The following ABTB3 variants were observed in gnomAD, a reference collection of about 807,000 sequenced individuals.
ABTB3 encodes the protein ankyrin repeat- and BTB/POZ domain-containing protein 3.
chr12:107,589,626 G>A, the ABTB3 span, among the ~76,000 whole-genome samples: 3 of 152,260 alleles, frequency 2.0e-5, no homozygotes, highest in Admixed American at 1.3e-4. Flanking sequence ...GATGGGAAAC[G>A]TGGTCCCTGA....
At chr12:107,358,933 A>T in the ABTB3 span, among the ~76,000 whole-genome samples, 1 of 152,122 alleles carries the variant, frequency 6.6e-6, no homozygotes, top group Non-Finnish European at 1.5e-5. Flanking sequence ...TCTGAAACCC[A>T]CTAAAATGTG....
the ABTB3 span, among the ~76,000 whole-genome samples, chr12:107,630,053 G>T: frequency 6.6e-6 from 1 of 152,174 alleles, no homozygotes; most frequent in Admixed American, 6.5e-5. Context: ...TGGAGGAGGA[G>T]CACTGGGAAG....
At chr12:107,507,091 T>C in the ABTB3 span, among the ~76,000 whole-genome samples, 2 of 152,152 alleles carry the variant, frequency 1.3e-5, no homozygotes, top group African/African-American at 4.8e-5. Context: ...AGAGGCCAAC[T>C]TCTGATGCAC....
At chr12:107,543,244 C>T in the ABTB3 span, among the ~76,000 whole-genome samples, 1 of 144,730 alleles carries the variant, frequency 6.9e-6, no homozygotes, top group Non-Finnish European at 1.5e-5. Context: ...GCTGAGGAGG[C>T]AGGAGAATCG....
the ABTB3 span, among the ~76,000 whole-genome samples, chr12:107,329,003 G>A: frequency 0.55 from 82,869 of 151,884 alleles, 23,048 homozygotes; most frequent in East Asian, 0.72. Flanking sequence ...CTGTCCATCA[G>A]ATCACAGCGT....
the ABTB3 span, among the ~76,000 whole-genome samples, chr12:107,639,043 G>T: frequency 1.3e-5 from 2 of 152,188 alleles, no homozygotes; most frequent in African/African-American, 2.4e-5. Flanking sequence ...ATCTGGCAAG[G>T]CTTACTGACC....
At chr12:107,600,552 C>T in the ABTB3 span, among the ~76,000 whole-genome samples, 4 of 152,168 alleles carry the variant, frequency 2.6e-5, no homozygotes, top group Admixed American at 1.3e-4. Context: ...CCCAGGGGCC[C>T]ACACAGCAGA....
the ABTB3 span, among the ~76,000 whole-genome samples, chr12:107,482,980 C>CT: frequency 6.5e-4 from 16 of 24,564 alleles, no homozygotes; most frequent in Middle Eastern, 0.021. Context: ...TTCTTTCTTT[C>CT]TTTCTTTCCT....
At chr12:107,561,241 T>C in the ABTB3 span, among the ~76,000 whole-genome samples, 48 of 152,242 alleles carry the variant, frequency 3.2e-4, no homozygotes, top group South Asian at 3.5e-3. Flanking sequence ...GGGGAAAGCA[T>C]ATTTTTGTGA....
the ABTB3 span, chr12:107,581,031 G>A: frequency 6.4e-7 from 1 of 1,551,690 alleles, no homozygotes; most frequent in South Asian, 1.2e-5. Context: ...GGAAAGCGGG[G>A]TGTGGGCTGG....
chr12:107,473,758 C>T, the ABTB3 span, among the ~76,000 whole-genome samples: 1 of 151,322 alleles, frequency 6.6e-6, no homozygotes, highest in African/African-American at 2.4e-5. Context: ...GTGAAGAAGC[C>T]ATATATTCTA....
the ABTB3 span, among the ~76,000 whole-genome samples, chr12:107,508,868 G>A: frequency 1.2e-4 from 18 of 152,306 alleles, no homozygotes; most frequent in African/African-American, 4.3e-4. Flanking sequence ...GGGGACAAGG[G>A]AAAGGCTTTT....
At chr12:107,463,832 C>A in the ABTB3 span, among the ~76,000 whole-genome samples, 30 of 152,214 alleles carry the variant, frequency 2.0e-4, no homozygotes, top group Non-Finnish European at 2.4e-4. Flanking sequence ...AAGCCTCAAC[C>A]AGCCTCCCTT....
chr12:107,534,891 G>A, the ABTB3 span, among the ~76,000 whole-genome samples: 18 of 152,084 alleles, frequency 1.2e-4, no homozygotes, highest in South Asian at 2.1e-4. Flanking sequence ...AATTTTTCTC[G>A]AACTATTCCA....
the ABTB3 span, among the ~76,000 whole-genome samples, chr12:107,571,465 C>T: frequency 6.6e-6 from 1 of 152,236 alleles, no homozygotes; most frequent in Non-Finnish European, 1.5e-5. Context: ...CAGAAGCAGG[C>T]CCACATGGCC....
At chr12:107,453,392 G>T in the ABTB3 span, among the ~76,000 whole-genome samples, 1 of 152,148 alleles carries the variant, frequency 6.6e-6, no homozygotes, top group Non-Finnish European at 1.5e-5. Flanking sequence ...AGGTCATGAG[G>T]GTGGAGACCT....
At chr12:107,470,084 G>T in the ABTB3 span, among the ~76,000 whole-genome samples, 2 of 147,610 alleles carry the variant, frequency 1.4e-5, no homozygotes, top group Admixed American at 6.9e-5. Flanking sequence ...CGTAACCCAG[G>T]CTGGAGCGCA....
At chr12:107,551,160 G>T in the ABTB3 span, among the ~76,000 whole-genome samples, 1 of 152,178 alleles carries the variant, frequency 6.6e-6, no homozygotes, top group South Asian at 2.1e-4. Context: ...CTTCCTGAGG[G>T]AGCAATCACA....
chr12:107,617,378 T>C, the ABTB3 span: 2 of 1,614,184 alleles, frequency 1.2e-6, no homozygotes, highest in Non-Finnish European at 1.7e-6. Context: ...GAATGGAATT[T>C]CTACAACCCC....
Sources: allele counts gnomAD v4.1 joint callset (sites outside exome capture counted in the v4.1 genomes callset), GRCh38; gene constraint gnomAD v4.1.1; transcripts MANE v1.5; gene names NCBI Gene and HGNC (gene_info 2026-07-23, HGNC 2026-07-21).